Variants in KCNN2 observed in about 807,000 individuals in gnomAD.
The protein encoded by KCNN2 is small conductance calcium-activated potassium channel protein 2.
Under a neutral mutation model 55.5 loss-of-function variants are expected in KCNN2, and 24 were observed. The observed-to-expected ratio is 0.43, with a 90% confidence interval of 0.31 to 0.61. The LOEUF (loss-of-function observed/expected upper bound fraction) is 0.61, where lower values mean the gene tolerates loss of function less well. KCNN2 is among the 20% of genes least tolerant of loss of function. The pLI is 0.08. For synonymous variants in KCNN2, 431 were observed against 336.1 expected, an observed-to-expected ratio of 1.28 and a Z score of -3.09; for missense variants, 754 against 853.6, an observed-to-expected ratio of 0.88 and a Z score of 1.45.
At chr5:114,349,078 C>A (rs1053631320) in intron 2 of KCNN2, among the ~76,000 whole-genome samples, 1 of 152,024 alleles carries the variant, frequency 6.6e-6, no homozygotes, top group African/African-American at 2.4e-5. Context: ...GCTCTCCTTC[C>A]CCCCAGCCCA....
At chr5:114,478,835 G>T (rs145146422) in intron 5 of KCNN2, among the ~76,000 whole-genome samples, 1 of 152,102 alleles carries the variant, frequency 6.6e-6, no homozygotes, top group African/African-American at 2.4e-5. Context: ...ATCCTTTCCA[G>T]ACAAGCAAAT....
rs188765727 is a variant in KCNN2 at position 114,221,968 on chromosome 5, A to T, written c.-185+403A>T. On this transcript the variant is annotated intron_variant, in intron 2 of 10. Transcript: ENST00000512097. ...TCTTTCGACCCTGTTTTCTCATTGAAACTGAGGATGATGAAATACACCTTA... is the reference window on the plus strand; with the variant it reads ...TCTTTCGACCCTGTTTTCTCATTGATACTGAGGATGATGAAATACACCTTA... Among the ~76,000 whole-genome samples the T allele has an allele frequency of 2.0e-4, 30 of 152,304 alleles. No homozygotes were observed. In the East Asian group the frequency reaches 5.2e-3, roughly 26 times the overall value.
At chr5:114,477,839 G>A (rs1407390670) in intron 5 of KCNN2, among the ~76,000 whole-genome samples, 1 of 152,110 alleles carries the variant, frequency 6.6e-6, no homozygotes, top group Non-Finnish European at 1.5e-5. Flanking sequence ...ACATATTAAT[G>A]TCCACTGTGG....
intron 3 of KCNN2, among the ~76,000 whole-genome samples, chr5:114,461,604 G>GTCTC (rs1171592277): frequency 6.6e-6 from 1 of 152,134 alleles, no homozygotes; most frequent in African/African-American, 2.4e-5. Flanking sequence ...ATAAGAATGG[G>GTCTC]TCTCTTGTAT....
chr5:114,431,265 T>G (rs993634696), intron 3 of KCNN2, among the ~76,000 whole-genome samples: 3 of 152,268 alleles, frequency 2.0e-5, no homozygotes, highest in Admixed American at 6.5e-5. Flanking sequence ...CTGGATTTCT[T>G]TAATAGATAT....
At chr5:114,285,647 T>C (rs1438998912) in intron 2 of KCNN2, among the ~76,000 whole-genome samples, 1 of 152,176 alleles carries the variant, frequency 6.6e-6, no homozygotes, top group Non-Finnish European at 1.5e-5. Flanking sequence ...ATTATATGAA[T>C]AATTAATTTG....
At chr5:114,178,991 C>T (rs1753187663) in intron 1 of KCNN2, among the ~76,000 whole-genome samples, 1 of 152,110 alleles carries the variant, frequency 6.6e-6, no homozygotes, top group Admixed American at 6.5e-5. Flanking sequence ...AAGACATTAG[C>T]ATCTGTAGGC....
At chr5:114,311,120 C>G (rs769643703) in intron 2 of KCNN2, among the ~76,000 whole-genome samples, 1 of 151,950 alleles carries the variant, frequency 6.6e-6, no homozygotes, top group Non-Finnish European at 1.5e-5. Flanking sequence ...TTTGTTTAAG[C>G]TGACCTTGCG....
At chr5:114,425,318 T>C (rs1354168718) in intron 3 of KCNN2, among the ~76,000 whole-genome samples, 3 of 152,060 alleles carry the variant, frequency 2.0e-5, no homozygotes, top group African/African-American at 7.2e-5. Flanking sequence ...GTCTGAAGGG[T>C]CCCACATTGC....
intron 2 of KCNN2, among the ~76,000 whole-genome samples, chr5:114,233,081 C>T (rs112270522): frequency 0.11 from 16,396 of 144,756 alleles, 1,163 homozygotes; most frequent in Middle Eastern, 0.23. Context: ...CCACTACGCC[C>T]GGCTAATTTT....
chr5:114,062,371 C>T (rs972201217), intron 1 of KCNN2, among the ~76,000 whole-genome samples: 1 of 152,176 alleles, frequency 6.6e-6, no homozygotes, highest in African/African-American at 2.4e-5. Context: ...ACTGAAAGAG[C>T]ACCCTACCTC....
intron 1 of KCNN2, among the ~76,000 whole-genome samples, chr5:114,068,716 T>A (rs1038111858): frequency 6.6e-6 from 1 of 152,218 alleles, no homozygotes; most frequent in Non-Finnish European, 1.5e-5. Flanking sequence ...GGAGTAGACA[T>A]TGACCAAGGA....
chr5:114,178,350 G>A (rs1355496722), intron 1 of KCNN2, among the ~76,000 whole-genome samples: 1 of 152,154 alleles, frequency 6.6e-6, no homozygotes, highest in African/African-American at 2.4e-5. Context: ...TCTGGTGGTA[G>A]AATGTGTCCA....
At chr5:114,430,297 CAGTGTTTT>C (rs1426063328) in intron 3 of KCNN2, among the ~76,000 whole-genome samples, 2 of 152,030 alleles carry the variant, frequency 1.3e-5, no homozygotes, top group Admixed American at 1.3e-4. Context: ...TTTCTTTCCT[CAGTGTTTT>C]GTAGTGTTCA....
At chr5:114,206,887 C>T (rs1165184824) in intron 1 of KCNN2, among the ~76,000 whole-genome samples, 2 of 152,076 alleles carry the variant, frequency 1.3e-5, no homozygotes, top group African/African-American at 2.4e-5. Context: ...AGTCATTCCT[C>T]CCCAGCCAAG....
intron 2 of KCNN2, among the ~76,000 whole-genome samples, chr5:114,299,033 G>C (rs1176485981): frequency 3.9e-5 from 6 of 152,142 alleles, no homozygotes; most frequent in African/African-American, 9.7e-5. Context: ...GCTGTTTTCA[G>C]GGTGAAGGTT....
upstream of KCNN2, among the ~76,000 whole-genome samples, chr5:114,361,809 C>T (rs1460017334): frequency 6.6e-6 from 1 of 152,186 alleles, no homozygotes; most frequent in Non-Finnish European, 1.5e-5. Flanking sequence ...TCTCCATCTC[C>T]ACGCAATCAG....
intron 2 of KCNN2, among the ~76,000 whole-genome samples, chr5:114,238,586 A>G (rs1031615137): frequency 6.6e-6 from 1 of 151,644 alleles, no homozygotes; most frequent in Non-Finnish European, 1.5e-5. Flanking sequence ...AGATCGCGGC[A>G]CTGCACTCCA....
chr5:114,374,871 G>A (rs1202040735), intron 2 of KCNN2, among the ~76,000 whole-genome samples: 1 of 152,068 alleles, frequency 6.6e-6, no homozygotes, highest in Non-Finnish European at 1.5e-5. Flanking sequence ...GTAGCTATCC[G>A]TAGTGATTAT....
Sources: allele counts gnomAD v4.1 joint callset (sites outside exome capture counted in the v4.1 genomes callset), GRCh38; gene constraint gnomAD v4.1.1; transcripts MANE v1.5; gene names NCBI Gene and HGNC (gene_info 2026-07-23, HGNC 2026-07-21).